AGBL4: variants seen among roughly 807,000 people sequenced by gnomAD.
The protein encoded by AGBL4 is cytosolic carboxypeptidase 6.
Under a neutral mutation model 66.4 loss-of-function variants are expected in AGBL4, and 58 were observed. The ratio of observed to expected loss-of-function variants is 0.87; its 90% CI spans 0.71 to 1.09. AGBL4 has a LOEUF of 1.09. AGBL4 is among the 50% of genes least tolerant of loss of function. The pLI, the probability that AGBL4 is intolerant of heterozygous loss-of-function variation, is 0.00. For missense variants in AGBL4, 579 were observed against 631.0 expected (o/e 0.92, Z 0.88); for synonymous variants, 234 against 222.9 (o/e 1.05, Z -0.44).
Position 49,311,414 on chromosome 1 carries a change from C to G in AGBL4, c.283-65550G>C, listed in dbSNP as rs551176356. Among the ~76,000 whole-genome samples the G allele has an allele frequency of 4.6e-5, 7 of 152,066 alleles. No homozygotes were observed. In the South Asian group the frequency reaches 1.5e-3, roughly 32 times the overall value. On this transcript the variant is annotated intron_variant, in intron 3 of 13. Coordinates refer to ENST00000371839, the MANE Select transcript of AGBL4 (RefSeq NM_032785.4). ...CCCAGAAACACTATTTAAATGCCTA[C>G]AAAAAACATTTGACTAAATGGAACC...
At chr1:48,572,440 T>G (rs1644580891) in intron 11 of AGBL4, among the ~76,000 whole-genome samples, 2 of 146,884 alleles carry the variant, frequency 1.4e-5, no homozygotes, top group African/African-American at 2.5e-5. Flanking sequence ...GTGGAAGAGG[T>G]GGGAGGAAAG....
At chr1:49,824,243 C>T (rs1352923165) in intron 2 of AGBL4, among the ~76,000 whole-genome samples, 1 of 151,940 alleles carries the variant, frequency 6.6e-6, no homozygotes, top group Non-Finnish European at 1.5e-5. Context: ...AGGTAAGATG[C>T]ATGGGAAACC....
chr1:48,571,908 A>G (rs1004218494), intron 11 of AGBL4, among the ~76,000 whole-genome samples: 2 of 152,092 alleles, frequency 1.3e-5, no homozygotes, highest in African/African-American at 4.8e-5. Flanking sequence ...CAGACACTCA[A>G]ACAAGAAGCT....
intron 6 of AGBL4, among the ~76,000 whole-genome samples, chr1:48,813,456 G>T (rs1646103578): frequency 6.6e-6 from 1 of 152,174 alleles, no homozygotes; most frequent in African/African-American, 2.4e-5. Context: ...CATTAGGGAG[G>T]TCTGGACTCT....
At chr1:48,532,465 A>G (rs1003359720), downstream of AGBL4, among the ~76,000 whole-genome samples, 3 of 152,178 alleles carry the variant, frequency 2.0e-5, no homozygotes, top group African/African-American at 7.2e-5. Flanking sequence ...GTAGTCTATG[A>G]TCCAATTAAT....
intron 5 of AGBL4, among the ~76,000 whole-genome samples, chr1:48,922,371 G>A (rs572330252): frequency 4.3e-4 from 65 of 152,092 alleles, no homozygotes; most frequent in Non-Finnish European, 7.6e-4. Context: ...AAAATTAGCT[G>A]GCAGAAGTGT....
At chr1:49,063,330 C>T (rs1323313790) in intron 4 of AGBL4, among the ~76,000 whole-genome samples, 3 of 152,012 alleles carry the variant, frequency 2.0e-5, no homozygotes, top group Non-Finnish European at 2.9e-5. Context: ...AAGCACAACA[C>T]GTAAAACCAA....
At chr1:48,527,544 C>A in the AGBL4 span, among the ~76,000 whole-genome samples, 1 of 151,238 alleles carries the variant, frequency 6.6e-6, no homozygotes, top group Non-Finnish European at 1.5e-5. Context: ...TTGCAGTGAG[C>A]TGAGATCGTG....
At chr1:50,010,474 A>ACACG (rs947118511) in intron 1 of AGBL4, among the ~76,000 whole-genome samples, 2 of 151,330 alleles carry the variant, frequency 1.3e-5, no homozygotes, top group African/African-American at 4.9e-5. Context: ...CCACAAACAC[A>ACACG]CACACACACA....
chr1:48,713,116 C>T (rs1003414682), intron 6 of AGBL4, among the ~76,000 whole-genome samples: 9 of 152,220 alleles, frequency 5.9e-5, no homozygotes, highest in African/African-American at 2.2e-4. Context: ...GTGAGCAAGA[C>T]ACAGTCCCTG....
chr1:49,742,033 G>A (rs1650540219), intron 2 of AGBL4, among the ~76,000 whole-genome samples: 1 of 152,202 alleles, frequency 6.6e-6, no homozygotes, highest in Non-Finnish European at 1.5e-5. Flanking sequence ...TCAACATAGT[G>A]TTGGAAGTTC....
At chr1:49,127,943 T>TA (rs1645799696) in intron 4 of AGBL4, among the ~76,000 whole-genome samples, 3 of 151,882 alleles carry the variant, frequency 2.0e-5, no homozygotes, top group African/African-American at 7.2e-5. Context: ...AATCAAAAAT[T>TA]AAAGATATCA....
chr1:49,165,545 C>T (rs1646618731), intron 4 of AGBL4, among the ~76,000 whole-genome samples: 1 of 151,684 alleles, frequency 6.6e-6, no homozygotes, highest in South Asian at 2.1e-4. Flanking sequence ...AAATTATGAA[C>T]TCCAAAATTG....
intron 5 of AGBL4, among the ~76,000 whole-genome samples, chr1:49,010,578 C>T (rs1407558312): frequency 7.3e-6 from 1 of 137,722 alleles, no homozygotes; most frequent in African/African-American, 2.8e-5. Context: ...CCAAGTCAAT[C>T]CTAAGCCAAA....
At chr1:49,382,998 T>G (rs1206600922) in intron 3 of AGBL4, among the ~76,000 whole-genome samples, 2 of 152,158 alleles carry the variant, frequency 1.3e-5, no homozygotes, top group African/African-American at 2.4e-5. Context: ...TTTCTATACA[T>G]TATCAATGAA....
intron 2 of AGBL4, among the ~76,000 whole-genome samples, chr1:49,769,201 T>C (rs1643983414): frequency 6.6e-6 from 1 of 151,512 alleles, no homozygotes; most frequent in Non-Finnish European, 1.5e-5. Context: ...AATAACACAA[T>C]CTCATTTGTA....
intron 1 of AGBL4, among the ~76,000 whole-genome samples, chr1:49,868,214 G>A (rs1366996139): frequency 6.6e-6 from 1 of 152,048 alleles, no homozygotes; most frequent in East Asian, 1.9e-4. Flanking sequence ...GTAATTTATA[G>A]ATTCAGTGCT....
intron 1 of AGBL4, among the ~76,000 whole-genome samples, chr1:49,931,320 A>C (rs1653332939): frequency 6.6e-6 from 1 of 152,196 alleles, no homozygotes; most frequent in African/African-American, 2.4e-5. Context: ...GCATTAGTCC[A>C]TTTTCACAGT....
Position 49,175,379 on chromosome 1 carries a change from T to G in AGBL4, c.377+70391A>C, listed in dbSNP as rs373300649. ...AGAAAGGAGATGATACAAGTATTAT[T>G]GTATGTTTTCACATTTTATCATTTC... is the stretch of plus-strand genomic sequence containing the variant. On this transcript the variant is annotated intron_variant, in intron 4 of 13. Transcript: ENST00000371839. Among the ~76,000 whole-genome samples, 164 of 152,148 alleles carry G rather than the reference T, an allele frequency of 1.1e-3. 1 individual carries two copies. Among genetic ancestry groups the G allele is most frequent in the African/African-American group, 3.8e-3 (158 of 41,552 alleles).
Sources: gnomAD v4.1 joint callset for allele counts (sites outside exome capture counted in the v4.1 genomes callset) on GRCh38, gnomAD v4.1.1 for gene constraint, MANE v1.5 for transcripts, NCBI Gene and HGNC (gene_info 2026-07-23, HGNC 2026-07-21) for gene names.